The following SLC12A1 variants were observed in gnomAD, a reference collection of about 807,000 sequenced individuals.
SLC12A1 encodes the protein Na-K-2Cl cotransporter.
In SLC12A1, 89 loss-of-function variants were observed where a neutral mutation model predicts 130.4. That is an observed-to-expected ratio of 0.68 (90% CI 0.58 to 0.81). SLC12A1 has a LOEUF of 0.81. Among genes scored for constraint, SLC12A1 ranks in the 40% least tolerant of loss-of-function variants. The pLI is 0.00. For missense variants in SLC12A1, 1,310 were observed against 1,336.4 expected (o/e 0.98, Z 0.31); for synonymous variants, 499 against 460.0 (o/e 1.08, Z -1.09).
chr15:48,266,722 A>G (rs1329574382), intron 17 of SLC12A1, among the ~76,000 whole-genome samples: 1 of 152,232 alleles, frequency 6.6e-6, no homozygotes, highest in Non-Finnish European at 1.5e-5. Context: ...GTACCCTGTC[A>G]GACATATGGC....
rs1555387784 is a variant in SLC12A1 at position 48,301,502 on chromosome 15, TG to T, written c.3164+129del. ...TTTTGTTTTGTTTTTGTGTTTTTTT[TG>T]GGGGGGGGAACACGTGGGATTCTTA... is the stretch of plus-strand genomic sequence containing the variant. On this transcript the variant is annotated intron_variant, in intron 26 of 26. Transcript: ENST00000380993. 1.8e-3 allele frequency: 778 copies of T among 437,536 alleles called. 15 individuals carry two copies. The highest frequency in any genetic ancestry group is 2.3e-3 in the Middle Eastern group (5 of 2,148). 27.1% of individuals were successfully genotyped at this position (437,536 alleles called of 1,614,324 possible). A position where few individuals can be genotyped will look rare whatever the true frequency, so the allele number is the denominator to read the frequency against.
chr15:48,241,494 C>T, intron 9 of SLC12A1, 21 bp from the exon 10 acceptor site: 1 of 1,559,906 alleles, frequency 6.4e-7, no homozygotes, highest in South Asian at 1.1e-5. Context: ...ATTCTTCTAC[C>T]TCCACATTAT....
chr15:48,283,684 G>A (rs1158567547), intron 20 of SLC12A1, among the ~76,000 whole-genome samples: 1 of 152,204 alleles, frequency 6.6e-6, no homozygotes, highest in Non-Finnish European at 1.5e-5. Flanking sequence ...GTATAGCTTC[G>A]CTTCACAGAT....
rs2041930735 is a variant in SLC12A1 at position 48,274,575 on chromosome 15, G to A, written c.2407G>A (p.Ala803Thr). 3 of 1,611,022 alleles carry A rather than the reference G, an allele frequency of 1.9e-6. No homozygotes were observed. Among genetic ancestry groups the A allele is most frequent in the East Asian group, 4.5e-5 (2 of 44,834 alleles). ...IENYVGIIHDAFDFEIGVVIV... is the reference protein window; with the variant it reads ...IENYVGIIHDTFDFEIGVVIV... ...CTGCTTTGCTTCCTCTTTCAGTGAT[G>A]CATTTGATTTTGAGATTGGCGTGGT... is the stretch of plus-strand genomic sequence containing the variant. The change falls in exon 20 of 27, where the codon GCA (alanine) becomes ACA (threonine). Residue 803 changes from alanine (A) to threonine (T), a missense_variant. Transcript: ENST00000380993.
chr15:48,299,414 TGC>T, intron 25 of SLC12A1, 139 bp downstream of exon 25: 1 of 780,722 alleles, frequency 1.3e-6, no homozygotes, highest in Non-Finnish European at 1.9e-6. Context: ...ATTTTTCAAG[TGC>T]TTTTCAATCA....
intron 7 of SLC12A1, 149 bp downstream of exon 7, chr15:48,230,652 C>G (rs923186050): frequency 1.1e-5 from 7 of 631,458 alleles, no homozygotes; most frequent in South Asian, 1.9e-5. Context: ...GAACACCAAG[C>G]CTGCAAAGCA....
Position 48,269,655 on chromosome 15 carries a change from T to A in SLC12A1, c.2296-3T>A. ...TGCCCACATTTTTATGTCCTCTGTT[T>A]AGGCCTCAGGCTTAGGAAGAATGAA... On this transcript the variant is annotated splice_polypyrimidine_tract_variant and splice_region_variant and intron_variant, in intron 18 of 26. Coordinates refer to ENST00000380993, the MANE Select transcript of SLC12A1 (RefSeq NM_000338.3). The A allele has an allele frequency of 1.3e-6, 2 of 1,581,006 alleles. No homozygotes were observed. The highest frequency in any genetic ancestry group is 1.7e-6 in the Non-Finnish European group (2 of 1,150,970).
chr15:48,285,466 A>G (rs2042047477), intron 21 of SLC12A1, among the ~76,000 whole-genome samples: 2 of 152,174 alleles, frequency 1.3e-5, no homozygotes, highest in Admixed American at 6.5e-5. Flanking sequence ...GTCAAAAATT[A>G]TTTTTTAAAT....
intron 17 of SLC12A1, among the ~76,000 whole-genome samples, chr15:48,262,385 C>A (rs2041784745): frequency 6.6e-6 from 1 of 152,024 alleles, no homozygotes; most frequent in South Asian, 2.1e-4. Flanking sequence ...CCACAGCTGT[C>A]ATTTCCTGCA....
At position 48,246,420 on chromosome 15, in the gene SLC12A1, C is replaced by T. The variant is rs527839337; in HGVS notation, c.1453-489C>T. Among the ~76,000 whole-genome samples, 6 of 152,210 alleles carry T rather than the reference C, an allele frequency of 3.9e-5. No homozygotes were observed. In the South Asian group the frequency reaches 1.0e-3, roughly 26 times the overall value. ...TTTCCAATATCTTCTGGATATATTG[C>T]GGGTGAGCATTTATTATCTTATAAA... is the stretch of plus-strand genomic sequence containing the variant. On this transcript the variant is annotated intron_variant, in intron 11 of 26. Coordinates refer to ENST00000380993, the MANE Select transcript of SLC12A1 (RefSeq NM_000338.3).
At chr15:48,271,234 T>C (rs150562128) in intron 19 of SLC12A1, among the ~76,000 whole-genome samples, 2 of 152,102 alleles carry the variant, frequency 1.3e-5, no homozygotes, top group Non-Finnish European at 2.9e-5. Context: ...GAAAAGAAAG[T>C]TGAGCATTTC....
chr15:48,246,998 C>A lies in SLC12A1; in HGVS notation c.1542C>A (p.Ser514Arg). ...TLSSALASLV[S>R]APKVFQALCK... ...CCTCCGCCCTGGCCTCCCTTGTCAGCGCACCCAAAGTGTTCCAGGTAATAC... is the reference window on the plus strand; with the variant it reads ...CCTCCGCCCTGGCCTCCCTTGTCAGAGCACCCAAAGTGTTCCAGGTAATAC... Residue 514 changes from serine (S) to arginine (R), a missense_variant, in exon 12 of 27, where the codon AGC becomes AGA. Ser to Arg is a moderately radical substitution (Grantham distance 110). Transcript: ENST00000380993. The A allele has an allele frequency of 6.2e-7, 1 of 1,613,538 alleles. No homozygotes were observed. The highest frequency in any genetic ancestry group is 8.5e-7 in the Non-Finnish European group (1 of 1,179,504).
chr15:48,288,382 T>A (rs780630198), intron 22 of SLC12A1, 23 bp from the exon 23 acceptor site: 8 of 1,266,488 alleles, frequency 6.3e-6, no homozygotes, highest in Non-Finnish European at 9.0e-6. Context: ...ACTCATTGTG[T>A]CATAATTTAT....
At chr15:48,209,705 G>A (rs1265252013) in intron 2 of SLC12A1, among the ~76,000 whole-genome samples, 1 of 152,036 alleles carries the variant, frequency 6.6e-6, no homozygotes, top group African/African-American at 2.4e-5. Context: ...TTTAGTTTCT[G>A]CTCACCTTTC....
intron 4 of SLC12A1, chr15:48,223,649 T>A (rs2041244759): frequency 6.6e-6 from 1 of 152,228 alleles, no homozygotes; most frequent in Non-Finnish European, 1.5e-5. Context: ...CTGTAGAGTT[T>A]CTGGGGTATG....
At chr15:48,288,263 G>A in intron 22 of SLC12A1, 89 bp downstream of exon 22, 1 of 1,309,764 alleles carries the variant, frequency 7.6e-7, no homozygotes, top group Non-Finnish European at 1.1e-6. Context: ...AACAATACTG[G>A]TTAAAGAATA....
At position 48,301,334 on chromosome 15, in the gene SLC12A1, T is replaced by C; in HGVS notation, c.3116T>C (p.Leu1039Pro). 1.2e-6 allele frequency: 2 copies of C among 1,601,784 alleles called. No individual in the cohort carries two copies. Among genetic ancestry groups the C allele is most frequent in the East Asian group, 4.5e-5 (2 of 44,626 alleles). ...VKEKSYRQVR[L>P]NELLQEHSRA... ...CCACAGAGTTACCGCCAAGTTCGAC[T>C]GAATGAACTCTTACAGGAGCACTCC... is the stretch of plus-strand genomic sequence containing the variant. The change falls in exon 26 of 27, where the codon CTG becomes CCG. Residue 1039 changes from leucine to proline, a missense_variant. Physicochemically the swap from Leu to Pro is moderately conservative, Grantham distance 98. Coordinates refer to ENST00000380993, the MANE Select transcript of SLC12A1 (RefSeq NM_000338.3).
Position 48,299,204 on chromosome 15 carries a change from A to G in SLC12A1, c.3025A>G (p.Thr1009Ala). The change falls in exon 25 of 27, where the codon ACT (threonine) becomes GCT (alanine). Residue 1009 changes from threonine (T) to alanine (A), a missense_variant. Coordinates refer to ENST00000380993, the MANE Select transcript of SLC12A1 (RefSeq NM_000338.3). ...RLHESCKDLTTAEKLKRETPW... is the reference protein window; with the variant it reads ...RLHESCKDLTAAEKLKRETPW... ...CCATGAAAGCTGCAAAGATTTAACAACTGCTGAGAAATTAAAAAGAGAAAC... is the reference window on the plus strand; with the variant it reads ...CCATGAAAGCTGCAAAGATTTAACAGCTGCTGAGAAATTAAAAAGAGAAAC... The G allele has an allele frequency of 6.2e-7, 1 of 1,609,268 alleles. No individual in the cohort carries two copies. The highest frequency in any genetic ancestry group is 8.5e-7 in the Non-Finnish European group (1 of 1,178,498).
intron 5 of SLC12A1, chr15:48,227,128 A>G (rs2041300163): frequency 1.3e-6 from 2 of 1,552,144 alleles, no homozygotes; most frequent in African/African-American, 2.7e-5. Context: ...CGACACTCAC[A>G]GGTATTTCTA....
Sources: gnomAD v4.1 joint callset for allele counts (sites outside exome capture counted in the v4.1 genomes callset) on GRCh38, gnomAD v4.1.1 for gene constraint, MANE v1.5 for transcripts, NCBI Gene and HGNC (gene_info 2026-07-23, HGNC 2026-07-21) for gene names.